The following PCDHGA3 variants were observed in gnomAD, a reference collection of about 807,000 sequenced individuals.
PCDHGA3 encodes the protein protocadherin gamma-A3.
Under a neutral mutation model 58.5 loss-of-function variants are expected in PCDHGA3, and 40 were observed. That is an observed-to-expected ratio of 0.68 (90% CI 0.53 to 0.89). The LOEUF is 0.89. Among genes scored for constraint, PCDHGA3 ranks in the 40% least tolerant of loss-of-function variants. The pLI is 0.00. For missense variants in PCDHGA3, 1,223 were observed against 1,195.9 expected (o/e 1.02, Z -0.33); for synonymous variants, 530 against 525.7 (o/e 1.01, Z -0.11).
chr5:141,394,524 G>T lies in PCDHGA3; in HGVS notation c.2424+48067G>T, dbSNP rs977174958. 13 of 1,614,214 alleles carry T rather than the reference G, an allele frequency of 8.1e-6. No homozygotes were observed. ...CCTGTACCCCGCCCTCCCCACAGAC[G>T]GTTCCACTGGCGTGGAGCTGGCGCC... On this transcript the variant is annotated intron_variant, in intron 1 of 3. Coordinates refer to ENST00000253812, the MANE Select transcript of PCDHGA3 (RefSeq NM_018916.4).
chr5:141,449,994 G>T (rs2098661673), intron 1 of PCDHGA3, among the ~76,000 whole-genome samples: 2 of 131,786 alleles, frequency 1.5e-5, no homozygotes, highest in Admixed American at 7.9e-5. Context: ...ATTGCATTTA[G>T]TTGCCATGTC....
chr5:141,370,882 G>T, intron 1 of PCDHGA3: 1 of 1,614,012 alleles, frequency 6.2e-7, no homozygotes, highest in Non-Finnish European at 8.5e-7. Context: ...CCTGATGTAG[G>T]TGTCAATTCG....
Position 141,345,131 on chromosome 5 carries a change from T to G in PCDHGA3, c.1098T>G (p.Ile366Met). 1 of 1,613,990 alleles carries G rather than the reference T, an allele frequency of 6.2e-7. No homozygotes were observed. The highest frequency in any genetic ancestry group is 1.1e-5 in the South Asian group (1 of 91,086). ...VPEEGTVGRE[I>M]ALIDVHDRDS... ...AAGAGGGCACCGTTGGAAGAGAAAT[T>G]GCTCTTATCGACGTGCATGACCGAG... The change falls in exon 1 of 4, where the codon ATT becomes ATG. Residue 366 changes from isoleucine (I) to methionine (M), a missense_variant. Around this residue, in one of 3 missense-constraint regions of PCDHGA3, gnomAD observed 791 missense variants for 708.5 expected, o/e 1.12. Transcript: ENST00000253812.
intron 1 of PCDHGA3, among the ~76,000 whole-genome samples, chr5:141,450,968 G>A (rs756891993): frequency 5.5e-4 from 84 of 151,848 alleles, no homozygotes; most frequent in Non-Finnish European, 9.0e-4. Context: ...GGGATTACAG[G>A]CATGTGCCAC....
intron 1 of PCDHGA3, chr5:141,420,313 C>T (rs751944742): frequency 1.6e-5 from 23 of 1,434,756 alleles, no homozygotes; most frequent in Non-Finnish European, 2.2e-5. Flanking sequence ...TTTTATATTA[C>T]AATATGCCAA....
chr5:141,364,068 C>T (rs1405963968), intron 1 of PCDHGA3, among the ~76,000 whole-genome samples: 1 of 152,134 alleles, frequency 6.6e-6, no homozygotes, highest in Non-Finnish European at 1.5e-5. Flanking sequence ...TATAACTAAA[C>T]TTAGGAGAAA....
rs1173306822 is a variant in PCDHGA3, at chr5:141,431,115, T to G, written c.2425-63692T>G. The G allele has an allele frequency of 6.2e-7, 1 of 1,613,608 alleles. No homozygotes were observed. Among genetic ancestry groups the G allele is most frequent in the East Asian group, 2.2e-5 (1 of 44,840 alleles). ...GAGGATAAAGTGAAAATATATGGAG[T>G]AGAAGTAGAAGTAAGGGACATTAAC... On this transcript the variant is annotated intron_variant, in intron 1 of 3. Transcript: ENST00000253812. This position sits in a 1 kb window ranked among gnomAD's most constrained non-coding sequence, Gnocchi z 4.8.
chr5:141,478,517 T>G (rs1593923092), intron 1 of PCDHGA3: 1 of 1,611,116 alleles, frequency 6.2e-7, no homozygotes, highest in Non-Finnish European at 8.5e-7. Context: ...TAGGCAGGTG[T>G]TGGGTGCAGA....
In PCDHGA3 at chr5:141,388,268, C is replaced by A; in HGVS notation, c.2424+41811C>A. On this transcript the variant is annotated intron_variant, in intron 1 of 3. Coordinates refer to ENST00000253812, the MANE Select transcript of PCDHGA3 (RefSeq NM_018916.4). ...ATGTGGAGATCGAGGACATTAATGA[C>A]CACACGCCAAAATTCACGCAAAATT... The A allele has an allele frequency of 1.3e-6, 2 of 1,594,084 alleles. No homozygotes were observed. Among genetic ancestry groups the A allele is most frequent in the African/African-American group, 2.9e-5 (2 of 68,850 alleles).
intron 1 of PCDHGA3, chr5:141,478,902 GCTGCTGGATAC>G: frequency 1.0e-6 from 1 of 978,788 alleles, no homozygotes. Context: ...TTAGGAATAA[GCTGCTGGATAC>G]CTCTAACCAG....
At chr5:141,362,509 A>T (rs1561527206) in intron 1 of PCDHGA3, 16 of 1,614,038 alleles carry the variant, frequency 9.9e-6, no homozygotes, top group Non-Finnish European at 1.4e-5. Flanking sequence ...ACAAAATACA[A>T]ATCATGGAGC....
chr5:141,434,044 A>T (rs2097670450), intron 1 of PCDHGA3, among the ~76,000 whole-genome samples: 2 of 152,132 alleles, frequency 1.3e-5, no homozygotes, highest in South Asian at 4.1e-4. Flanking sequence ...TTTCTATTTT[A>T]TTCAATGGCC....
rs1206130340 is a variant in PCDHGA3, at chr5:141,473,814, G to A, written c.2425-20993G>A. On this transcript the variant is annotated intron_variant, in intron 1 of 3. Coordinates refer to ENST00000253812, the MANE Select transcript of PCDHGA3 (RefSeq NM_018916.4). ...GTATGATGCTACTGAGGAGCAGCTG[G>A]ACAATTGTGTGATCCAATTAAAATT... Among the ~76,000 whole-genome samples, 5 of 152,188 alleles carry A rather than the reference G, an allele frequency of 3.3e-5. No individual in the cohort carries two copies. The East Asian group carries it at 9.6e-4, about 29-fold the overall frequency.
At position 141,486,671 on chromosome 5, in the gene PCDHGA3, C is replaced by G. The variant is rs1307620045; in HGVS notation, c.2425-8136C>G. 24 of 1,613,926 alleles carry G rather than the reference C, an allele frequency of 1.5e-5. No homozygotes were observed. The highest frequency in any genetic ancestry group is 2.7e-5 in the African/African-American group (2 of 74,932). Reference sequence around the variant, plus strand: ...CTACTCACTCCTGGAGCCCAGGAATCGAGATGTATCAGCTTCCTCTTTCAT... The same window carrying G: ...CTACTCACTCCTGGAGCCCAGGAATGGAGATGTATCAGCTTCCTCTTTCAT... On this transcript the variant is annotated intron_variant, in intron 1 of 3. Transcript: ENST00000253812. The surrounding 1 kb of genome is among the most constrained non-coding windows in gnomAD (Gnocchi z 5.0).
chr5:141,505,334 G>T, intron 2 of PCDHGA3, 59 bp from the exon 3 acceptor site: 1 of 1,611,326 alleles, frequency 6.2e-7, no homozygotes, highest in Non-Finnish European at 8.5e-7. Context: ...GAGAGGACAG[G>T]AGGGGCATGA....
At position 141,425,978 on chromosome 5, in the gene PCDHGA3, A is replaced by T. The variant is rs182438141; in HGVS notation, c.2425-68829A>T. Among the ~76,000 whole-genome samples the T allele has an allele frequency of 3.9e-3, 592 of 152,340 alleles. 5 individuals carry two copies. Among genetic ancestry groups the T allele is most frequent in the African/African-American group, 0.014 (563 of 41,588 alleles). ...AGTCCAACACATCAGTCTAATTCTG[A>T]ATCCCATTGAATTAGCAAAGGCTTC... On this transcript the variant is annotated intron_variant, in intron 1 of 3. Coordinates refer to ENST00000253812, the MANE Select transcript of PCDHGA3 (RefSeq NM_018916.4).
At chr5:141,364,423 C>A (rs773799474) in intron 1 of PCDHGA3, 1 of 1,613,592 alleles carries the variant, frequency 6.2e-7, no homozygotes, top group Non-Finnish European at 8.5e-7. Context: ...CCGGGCAGAT[C>A]CGCTACTCGA....
intron 1 of PCDHGA3, chr5:141,394,278 T>C: frequency 6.2e-7 from 1 of 1,613,924 alleles, no homozygotes; most frequent in Non-Finnish European, 8.5e-7. Context: ...CCAGGTCACT[T>C]ACTCTGTGAC....
At chr5:141,375,477 A>G (rs757005832) in intron 1 of PCDHGA3, 132 of 1,613,680 alleles carry the variant, frequency 8.2e-5, no homozygotes, top group Non-Finnish European at 1.1e-4. Context: ...CTTGAAAACA[A>G]CCCCAGGGGT....
Sources: allele counts gnomAD v4.1 joint callset (sites outside exome capture counted in the v4.1 genomes callset), GRCh38; gene constraint gnomAD v4.1.1; regional missense constraint gnomAD v4.1.1; non-coding constraint Gnocchi (gnomAD v3.1); transcripts MANE v1.5; gene names NCBI Gene and HGNC (gene_info 2026-07-23, HGNC 2026-07-21).